The following TTLL5 variants were observed in gnomAD, a reference collection of about 807,000 sequenced individuals.
TTLL5 encodes tubulin tyrosine ligase like 5.
In TTLL5, 132 loss-of-function variants were observed where a neutral mutation model predicts 168.4. That is an observed-to-expected ratio of 0.78 (90% confidence interval 0.68 to 0.91). The LOEUF (loss-of-function observed/expected upper bound fraction) is 0.91. Ranked by LOEUF, TTLL5 falls within the 40% of genes least tolerant of loss-of-function variation. TTLL5 has a pLI of 0.00. For synonymous variants in TTLL5, 546 were observed against 558.6 expected, an observed-to-expected ratio of 0.98 and a Z score of 0.32; for missense variants, 1,545 against 1,581.5, an observed-to-expected ratio of 0.98 and a Z score of 0.39.
At chr14:75,941,551 T>G (rs2034605619) in intron 31 of TTLL5, 2 of 152,246 alleles carry the variant, frequency 1.3e-5, no homozygotes, top group South Asian at 4.1e-4. Context: ...TTTATTTTTC[T>G]TATTCACTTC....
At chr14:75,878,636 G>A (rs144501119) in intron 29 of TTLL5, among the ~76,000 whole-genome samples, 2,268 of 152,298 alleles carry the variant, frequency 0.015, 62 homozygotes, top group African/African-American at 0.051. Flanking sequence ...CCCAAACAAA[G>A]TCAGAGTAGT....
rs1340930257 is a variant in TTLL5 at position 75,792,279 on chromosome 14, G to T, written c.2987-637G>T. Among the ~76,000 whole-genome samples the T allele has an allele frequency of 2.7e-5, 4 of 150,570 alleles. No homozygotes were observed. The East Asian group carries it at 7.8e-4, about 29-fold the overall frequency. ...AGGAGATATACCTAATGTAAATGAC[G>T]AGTTAATGGGTGCAGCACACCAACA... On this transcript the variant is annotated intron_variant, in intron 26 of 31. Coordinates refer to ENST00000298832, the MANE Select transcript of TTLL5 (RefSeq NM_015072.5).
At chr14:75,882,967 T>A in intron 30 of TTLL5, 65 bp downstream of exon 30, 6 of 1,528,122 alleles carry the variant, frequency 3.9e-6, no homozygotes, top group Non-Finnish European at 5.4e-6. Context: ...TACTCTTTAT[T>A]TATTACTCTT....
chr14:75,881,964 A>G (rs993725308), intron 29 of TTLL5, among the ~76,000 whole-genome samples: 3 of 152,162 alleles, frequency 2.0e-5, no homozygotes, highest in African/African-American at 7.2e-5. Context: ...TTAGGTCTTT[A>G]TTTATAGGCT....
At chr14:75,678,275 C>T (rs1884338442) in intron 3 of TTLL5, among the ~76,000 whole-genome samples, 2 of 152,204 alleles carry the variant, frequency 1.3e-5, no homozygotes, top group Admixed American at 6.5e-5. Flanking sequence ...CCATTACTTA[C>T]ATTTTGCCAT....
chr14:75,662,772 G>T (rs1890836214), intron 1 of TTLL5, among the ~76,000 whole-genome samples: 1 of 152,054 alleles, frequency 6.6e-6, no homozygotes, highest in African/African-American at 2.4e-5. Flanking sequence ...CTATCCTTTT[G>T]GTGCATATTC....
chr14:75,670,796 T>A lies in TTLL5; in HGVS notation c.181+1274T>A, dbSNP rs143570881. On this transcript the variant is annotated intron_variant, in intron 3 of 31. Coordinates refer to ENST00000298832, the MANE Select transcript of TTLL5 (RefSeq NM_015072.5). Reference sequence around the variant, plus strand: ...TTGTTGTTGAATTATAAGAGTTTTATATGTTATGGATATTAGACAAGATAT... The same window carrying A: ...TTGTTGTTGAATTATAAGAGTTTTAAATGTTATGGATATTAGACAAGATAT... 6.2e-4 allele frequency among the ~76,000 whole-genome samples: 94 copies of A among 152,392 alleles called. 1 individual carries two copies. Among genetic ancestry groups the A allele is most frequent in the African/African-American group, 2.2e-3 (92 of 41,596 alleles).
At chr14:75,941,054 C>T (rs1408078141) in intron 31 of TTLL5, among the ~76,000 whole-genome samples, 3 of 152,222 alleles carry the variant, frequency 2.0e-5, no homozygotes, top group Non-Finnish European at 4.4e-5. Context: ...AGCATCTGAA[C>T]TGAACCAGAT....
intron 26 of TTLL5, 48 bp downstream of exon 26, chr14:75,783,578 C>T (rs1215776209): frequency 7.6e-6 from 12 of 1,575,642 alleles, no homozygotes; most frequent in Non-Finnish European, 1.0e-5. Context: ...TCCTCCCCAG[C>T]CCCAATAAAG....
In TTLL5 at chr14:75,865,564, T is replaced by C. The variant is rs559677416; in HGVS notation, c.3522+1702T>C. Among the ~76,000 whole-genome samples, 19 of 152,236 alleles carry C rather than the reference T, an allele frequency of 1.2e-4. No homozygotes were observed. The South Asian group carries it at 3.5e-3, about 28-fold the overall frequency. ...AAAAACTCTCTGGCTCTAATGAATC[T>C]AGACAGTTGGTACCTTTTAAACTAT... On this transcript the variant is annotated intron_variant, in intron 29 of 31. Transcript: ENST00000298832.
intron 7 of TTLL5, among the ~76,000 whole-genome samples, chr14:75,702,480 A>G (rs1390227601): frequency 6.6e-6 from 1 of 152,356 alleles, no homozygotes; most frequent in Middle Eastern, 3.4e-3. Flanking sequence ...ATATGAGTCA[A>G]AAAGAATAGG....
chr14:75,824,505 C>T (rs1195874350), intron 28 of TTLL5, among the ~76,000 whole-genome samples: 3 of 151,630 alleles, frequency 2.0e-5, no homozygotes, highest in Non-Finnish European at 4.4e-5. Flanking sequence ...TCCATTCATA[C>T]GAAACATCTA....
intron 31 of TTLL5, among the ~76,000 whole-genome samples, chr14:75,904,725 T>G (rs2033074836): frequency 6.6e-6 from 1 of 152,206 alleles, no homozygotes. Flanking sequence ...CAGATCATTC[T>G]TCTTCATTGT....
At chr14:75,925,282 TC>T (rs2033998003) in intron 31 of TTLL5, among the ~76,000 whole-genome samples, 1 of 150,514 alleles carries the variant, frequency 6.6e-6, no homozygotes. Context: ...GCGGAGGGGC[TC>T]CTCACTTCTC....
At chr14:75,762,670 G>C (rs1890724953) in intron 18 of TTLL5, among the ~76,000 whole-genome samples, 1 of 152,060 alleles carries the variant, frequency 6.6e-6, no homozygotes. Context: ...GGATTTATCT[G>C]TTTATCCAGG....
chr14:75,902,850 T>G (rs1032016007), intron 31 of TTLL5, among the ~76,000 whole-genome samples: 2 of 152,254 alleles, frequency 1.3e-5, no homozygotes, highest in Admixed American at 1.3e-4. Context: ...TATTTATTAT[T>G]GAGTACCTAC....
In TTLL5 at chr14:75,812,403, T is replaced by A. The variant is rs7141224; in HGVS notation, c.3172-7604T>A. ...GACATGTGGAACAAGTTGACTGTTT[T>A]TAGGCTTAAATTTCTTGTTTTTTTG... On this transcript the variant is annotated intron_variant, in intron 27 of 31. Coordinates refer to ENST00000298832, the MANE Select transcript of TTLL5 (RefSeq NM_015072.5). Among the ~76,000 whole-genome samples, 255 of 152,288 alleles carry A rather than the reference T, an allele frequency of 1.7e-3. 5 individuals carry two copies. Among genetic ancestry groups the A allele is most frequent in the African/African-American group, 5.7e-3 (237 of 41,562 alleles).
intron 31 of TTLL5, among the ~76,000 whole-genome samples, chr14:75,925,869 C>T (rs185863541): frequency 7.9e-5 from 12 of 152,124 alleles, no homozygotes; most frequent in East Asian, 1.9e-4. Context: ...GCCAACACAG[C>T]GAAACCCGTC....
At chr14:75,683,837 G>A (rs914925936) in intron 5 of TTLL5, 181 bp downstream of exon 5, 17 of 459,556 alleles carry the variant, frequency 3.7e-5, no homozygotes, top group Non-Finnish European at 5.5e-5. Context: ...GCAGTGGCAT[G>A]ATCTTGGCTC....
Sources: allele counts gnomAD v4.1 joint callset (sites outside exome capture counted in the v4.1 genomes callset), GRCh38; gene constraint gnomAD v4.1.1; transcripts MANE v1.5; gene names NCBI Gene and HGNC (gene_info 2026-07-23, HGNC 2026-07-21).